DTD1: variants seen among roughly 807,000 people sequenced by gnomAD.
DTD1 encodes the protein D-aminoacyl-tRNA deacylase 1.
In DTD1, 13 loss-of-function variants were observed where a neutral mutation model predicts 25.6. That is an observed-to-expected ratio of 0.51 (90% CI 0.33 to 0.81). DTD1 has a LOEUF of 0.81. DTD1 is among the 30% of genes least tolerant of loss of function. The probability of loss-of-function intolerance (pLI) is 0.02; values close to 1 mark genes in which losing one functional copy is unlikely to be tolerated. For missense variants in DTD1, 193 were observed against 266.4 expected (o/e 0.72, Z 1.92); for synonymous variants, 110 against 103.6 (o/e 1.06, Z -0.37).
rs1341548180 is a variant in DTD1, at chr20:18,765,235, A to G, written c.*1895A>G. 3 of 152,270 alleles carry G rather than the reference A, an allele frequency of 2.0e-5. No individual in the cohort carries two copies. The highest frequency in any genetic ancestry group is 2.0e-4 in the Admixed American group (3 of 15,282). 9.4% of individuals were successfully genotyped at this position (152,270 alleles called of 1,614,324 possible). On this transcript the variant is annotated 3_prime_UTR_variant, in exon 6 of 6. Coordinates refer to ENST00000377452, the MANE Select transcript of DTD1 (RefSeq NM_080820.6). ...GAGGGGAACTCTAAATGTTTGAAAG[A>G]TGTGGAAGAGAAGCTGGGTCAGGAA...
chr20:18,751,669 T>G (rs1369880166), intron 5 of DTD1, among the ~76,000 whole-genome samples: 2 of 152,064 alleles, frequency 1.3e-5, no homozygotes, highest in Non-Finnish European at 2.9e-5. Flanking sequence ...ATTTTTTGTA[T>G]TTTTTGTAGA....
chr20:18,699,984 C>T (rs1014146119), intron 4 of DTD1, among the ~76,000 whole-genome samples: 1 of 152,206 alleles, frequency 6.6e-6, no homozygotes, highest in Non-Finnish European at 1.5e-5. Flanking sequence ...AATGAATCTG[C>T]AGGCCTTATT....
chr20:18,725,277 A>T (rs559345467), intron 4 of DTD1, among the ~76,000 whole-genome samples: 1 of 152,210 alleles, frequency 6.6e-6, no homozygotes, highest in Non-Finnish European at 1.5e-5. Context: ...TTGCCATGGC[A>T]GTAGTAACTG....
At chr20:18,592,901 T>G (rs1468147879) in intron 1 of DTD1, among the ~76,000 whole-genome samples, 1 of 152,014 alleles carries the variant, frequency 6.6e-6, no homozygotes, top group Non-Finnish European at 1.5e-5. Context: ...CAAGCTGGTC[T>G]CGAACTCCTG....
chr20:18,631,168 G>T, intron 4 of DTD1: 2 of 985,480 alleles, frequency 2.0e-6, no homozygotes, highest in Non-Finnish European at 2.4e-6. Context: ...TGCCACCGTG[G>T]TAGCAGAGCT....
At chr20:18,607,415 C>T (rs974490704) in intron 3 of DTD1, among the ~76,000 whole-genome samples, 1 of 152,086 alleles carries the variant, frequency 6.6e-6, no homozygotes, top group Non-Finnish European at 1.5e-5. Context: ...CATGTCTAGG[C>T]CCCAAAGTGC....
At chr20:18,679,431 T>C (rs915993603) in intron 4 of DTD1, among the ~76,000 whole-genome samples, 9 of 152,256 alleles carry the variant, frequency 5.9e-5, no homozygotes, top group African/African-American at 2.2e-4. Context: ...TCTTTAATTT[T>C]CTAAGGAGTC....
chr20:18,755,099 G>T (rs1300346064), intron 5 of DTD1, among the ~76,000 whole-genome samples: 3 of 152,126 alleles, frequency 2.0e-5, no homozygotes, highest in African/African-American at 7.2e-5. Context: ...CCAGTTCTGT[G>T]TTTCTCTAGT....
Position 18,588,612 on chromosome 20 carries a change from C to T in DTD1, c.43+497C>T, listed in dbSNP as rs145457139. The T allele has an allele frequency of 3.0e-4, 133 of 442,320 alleles. 2 individuals carry two copies. In the East Asian group the frequency reaches 0.017, roughly 58 times the overall value. 27.4% of individuals were successfully genotyped at this position (442,320 alleles called of 1,614,324 possible). On this transcript the variant is annotated intron_variant, in intron 1 of 5. Transcript: ENST00000377452. ...AAATGCACAGATGCGGAGAGTTGCT[C>T]CTTGGGCTGAGCTTTGACAGTTGCG...
chr20:18,736,497 A>C (rs6045574), intron 4 of DTD1, among the ~76,000 whole-genome samples: 21,932 of 152,236 alleles, frequency 0.14, 1,694 homozygotes, highest in Admixed American at 0.2. Context: ...CTGTCTTTCA[A>C]GGTGCTTCAT....
chr20:18,704,214 A>T (rs1441751837), intron 4 of DTD1, among the ~76,000 whole-genome samples: 1 of 152,048 alleles, frequency 6.6e-6, no homozygotes, highest in Non-Finnish European at 1.5e-5. Flanking sequence ...GTTAGCCAGG[A>T]TGGTCTCGAT....
intron 3 of DTD1, among the ~76,000 whole-genome samples, chr20:18,621,930 G>A (rs958175360): frequency 6.6e-6 from 1 of 152,100 alleles, no homozygotes; most frequent in Non-Finnish European, 1.5e-5. Context: ...CGGGCATGGT[G>A]GTGGGCGCCT....
intron 4 of DTD1, among the ~76,000 whole-genome samples, chr20:18,729,459 T>C (rs1252354328): frequency 6.6e-6 from 1 of 152,222 alleles, no homozygotes; most frequent in African/African-American, 2.4e-5. Flanking sequence ...AGATTTCAAT[T>C]AAATTTGCAG....
intron 4 of DTD1, among the ~76,000 whole-genome samples, chr20:18,687,872 TA>T (rs1198208316): frequency 6.6e-6 from 1 of 152,154 alleles, no homozygotes; most frequent in Non-Finnish European, 1.5e-5. Flanking sequence ...ACAGTAACAG[TA>T]ACAAAGAAGA....
intron 3 of DTD1, among the ~76,000 whole-genome samples, chr20:18,619,564 A>G (rs999970474): frequency 2.0e-5 from 3 of 152,068 alleles, no homozygotes; most frequent in African/African-American, 7.2e-5. Context: ...AGCTAGGACT[A>G]CAGGTGCACA....
intron 3 of DTD1, among the ~76,000 whole-genome samples, chr20:18,613,442 G>A (rs1010098605): frequency 6.6e-6 from 1 of 152,200 alleles, no homozygotes; most frequent in East Asian, 1.9e-4. Context: ...CCAAAGTCCT[G>A]TGGCTGGGTT....
chr20:18,598,369 G>GT (rs2060620256), intron 3 of DTD1, among the ~76,000 whole-genome samples: 1 of 152,090 alleles, frequency 6.6e-6, no homozygotes, highest in Admixed American at 6.6e-5. Context: ...TCTTTATCCA[G>GT]TCTATCACTG....
At chr20:18,717,563 C>T (rs2061186088) in intron 4 of DTD1, among the ~76,000 whole-genome samples, 1 of 152,146 alleles carries the variant, frequency 6.6e-6, no homozygotes, top group African/African-American at 2.4e-5. Flanking sequence ...TTAGGCTACA[C>T]AGTTTGCAAA....
At chr20:18,726,879 C>T (rs1171688127) in intron 4 of DTD1, among the ~76,000 whole-genome samples, 3 of 148,844 alleles carry the variant, frequency 2.0e-5, no homozygotes, top group African/African-American at 7.4e-5. Context: ...TTATAGGGGC[C>T]AGAAAGGACT....
Sources: gnomAD v4.1 joint callset for allele counts (sites outside exome capture counted in the v4.1 genomes callset) on GRCh38, gnomAD v4.1.1 for gene constraint, MANE v1.5 for transcripts, NCBI Gene and HGNC (gene_info 2026-07-23, HGNC 2026-07-21) for gene names.